Variants in PPRC1 observed in about 807,000 individuals in gnomAD.
PPRC1 encodes the protein PPARG related coactivator 1.
In PPRC1, 23 loss-of-function variants were observed where a neutral mutation model predicts 132.5. That is an observed-to-expected ratio of 0.17 (90% CI 0.12 to 0.25). PPRC1 has a LOEUF of 0.25. Ranked by LOEUF, PPRC1 falls within the 10% of genes least tolerant of loss-of-function variation. PPRC1 has a pLI of 1.00. For synonymous variants in PPRC1, 872 were observed against 833.5 expected (o/e 1.05, Z -0.80); for missense variants, 2,006 against 2,089.1 (o/e 0.96, Z 0.78).
At position 102,148,611 on chromosome 10, in the gene PPRC1, A is replaced by G; in HGVS notation, c.4551-17A>G. 6.2e-7 allele frequency: 1 copy of G among 1,614,014 alleles called. No homozygotes were observed. Among genetic ancestry groups the G allele is most frequent in the Non-Finnish European group, 8.5e-7 (1 of 1,179,958 alleles). ...TTGTCTTATGTTTGGGGGGCTGATG[A>G]CACCCTCTTTTGTCAGGTACAGCTC... On this transcript the variant is annotated splice_polypyrimidine_tract_variant and intron_variant, in intron 10 of 13. Transcript: ENST00000278070. The surrounding 1 kb of genome is among the most constrained non-coding windows in gnomAD (Gnocchi z 4.2).
In PPRC1 at chr10:102,150,120, G is replaced by A. The variant is rs1445993500; in HGVS notation, c.*91G>A. ...CCTACTCTAGGGGAGAGAGCTGCTA[G>A]TGAGATGACTGTTTTATAAAGAAAT... On this transcript the variant is annotated 3_prime_UTR_variant, in exon 14 of 14. Transcript: ENST00000278070. 1.2e-6 allele frequency: 1 copy of A among 842,622 alleles called. No homozygotes were observed. The highest frequency in any genetic ancestry group is 1.7e-5 in the African/African-American group (1 of 58,692). 52.2% of individuals were successfully genotyped at this position (842,622 alleles called of 1,614,324 possible).
At chr10:102,122,676 CA>C in the PPRC1 span, among the ~76,000 whole-genome samples, 5 of 151,960 alleles carry the variant, frequency 3.3e-5, no homozygotes, top group Non-Finnish European at 5.9e-5. Flanking sequence ...CCATGCTGAC[CA>C]ACACAATGGT....
chr10:102,133,914 A>G (rs2068622441), intron 1 of PPRC1, among the ~76,000 whole-genome samples: 1 of 151,672 alleles, frequency 6.6e-6, no homozygotes, highest in South Asian at 2.1e-4. Flanking sequence ...TGGGTCCGCA[A>G]CGTCTCTCCA....
upstream of PPRC1, among the ~76,000 whole-genome samples, chr10:102,131,553 A>C (rs1211984850): frequency 6.6e-6 from 1 of 152,246 alleles, no homozygotes; most frequent in Admixed American, 6.5e-5. Context: ...TTTCATGGAA[A>C]CTATTCCACA....
the PPRC1 span, among the ~76,000 whole-genome samples, chr10:102,127,592 G>A: frequency 1.3e-5 from 2 of 151,826 alleles, no homozygotes; most frequent in Non-Finnish European, 2.9e-5. Flanking sequence ...ATTTTTAGTA[G>A]AGACGGGGTT....
Position 102,144,286 on chromosome 10 carries a change from G to C in PPRC1, c.3587G>C (p.Ser1196Thr), listed in dbSNP as rs1439138625. 6.2e-7 allele frequency: 1 copy of C among 1,614,032 alleles called. No homozygotes were observed. Among genetic ancestry groups the C allele is most frequent in the Non-Finnish European group, 8.5e-7 (1 of 1,180,048 alleles). Reference sequence around the variant, plus strand: ...TGTCCTCCTCCGGCTCCTGCTGACAGCTTGGCTGTAGGAAACTCAGGGTAA... The same window carrying C: ...TGTCCTCCTCCGGCTCCTGCTGACACCTTGGCTGTAGGAAACTCAGGGTAA... ...KECPPPAPAD[S>T]LAVGNSGGVD... is the part of the protein sequence containing the mutation. The change falls in exon 7 of 14, where the codon AGC (serine) becomes ACC (threonine). Residue 1196 changes from serine (S) to threonine (T), a missense_variant. Physicochemically the swap from Ser to Thr is moderately conservative, Grantham distance 58. Coordinates refer to ENST00000278070, the MANE Select transcript of PPRC1 (RefSeq NM_015062.5).
chr10:102,149,844 G>A (rs2069435045), intron 13 of PPRC1, 82 bp from the exon 14 acceptor site: 1 of 1,063,844 alleles, frequency 9.4e-7, no homozygotes, highest in Non-Finnish European at 1.5e-6. Flanking sequence ...CCGTTTTTGG[G>A]ATGGGAGATA....
the PPRC1 span, chr10:102,120,154 C>G: frequency 7.9e-7 from 1 of 1,262,242 alleles, no homozygotes; most frequent in South Asian, 2.7e-5. Flanking sequence ...GTCACGGTGC[C>G]CGCCCCTCGC....
upstream of PPRC1, among the ~76,000 whole-genome samples, chr10:102,131,355 C>T (rs1000993270): frequency 6.6e-6 from 1 of 151,546 alleles, no homozygotes; most frequent in African/African-American, 2.4e-5. Context: ...CACACTGCAG[C>T]CCTGGGTGAC....
At chr10:102,127,041 ATATATATATATATATATATATATATAT>A in the PPRC1 span, among the ~76,000 whole-genome samples, 14 of 56,972 alleles carry the variant, frequency 2.5e-4, no homozygotes, top group Non-Finnish European at 3.8e-4. Context: ...ATATATATAT[ATATATATATATATATATATATATATAT>A]AAATTAAAAA....
chr10:102,141,216 C>T lies in PPRC1; in HGVS notation c.2708C>T (p.Pro903Leu). Residue 903 changes from proline to leucine, a missense_variant, in exon 5 of 14, where the codon CCA (proline) becomes CTA (leucine). Transcript: ENST00000278070. ...CCTCCCTTGCAGCCTCCTAGTCTTC[C>T]ATTGTCTATGGGGCCAGTACTACCT... ...PPPPLQPPSL[P>L]LSMGPVLPDP... is the part of the protein sequence containing the mutation. 1.2e-6 allele frequency: 2 copies of T among 1,613,980 alleles called. No homozygotes were observed. The highest frequency in any genetic ancestry group is 4.5e-5 in the East Asian group (2 of 44,882).
chr10:102,127,348 T>C, the PPRC1 span, among the ~76,000 whole-genome samples: 1 of 151,918 alleles, frequency 6.6e-6, no homozygotes, highest in African/African-American at 2.4e-5. Context: ...CACTCCAGCC[T>C]GGGCAGCAGA....
At chr10:102,129,227 G>A (rs1015938423), upstream of PPRC1, among the ~76,000 whole-genome samples, 2 of 152,070 alleles carry the variant, frequency 1.3e-5, no homozygotes, top group Admixed American at 1.3e-4. Context: ...CACCATGCCT[G>A]ACCTCCACAG....
At chr10:102,128,546 AAGAG>A (rs1399650149), upstream of PPRC1, among the ~76,000 whole-genome samples, 2 of 152,100 alleles carry the variant, frequency 1.3e-5, no homozygotes, top group African/African-American at 2.4e-5. Context: ...AAGAGGGAGA[AAGAG>A]AGAGCAAGAG....
intron 2 of PPRC1, 113 bp from the exon 3 acceptor site, chr10:102,138,506 C>T (rs746161821): frequency 1.8e-4 from 235 of 1,290,624 alleles, no homozygotes; most frequent in Non-Finnish European, 2.3e-4. Context: ...CTTCTCGCTG[C>T]CCCATTAGCT....
intron 8 of PPRC1, among the ~76,000 whole-genome samples, chr10:102,145,976 ACT>A (rs560881848): frequency 3.5e-4 from 54 of 152,160 alleles, no homozygotes; most frequent in Admixed American, 2.4e-3. Context: ...GGCTTGAGAA[ACT>A]CTATCAGGTG....
At position 102,141,690 on chromosome 10, in the gene PPRC1, C is replaced by T; in HGVS notation, c.3182C>T (p.Pro1061Leu). The T allele has an allele frequency of 3.1e-6, 5 of 1,614,050 alleles. No individual in the cohort carries two copies. Among genetic ancestry groups the T allele is most frequent in the East Asian group, 2.2e-5 (1 of 44,880 alleles). Residue 1061 changes from proline (P) to leucine (L), a missense_variant, in exon 5 of 14, where the codon CCT becomes CTT. This residue lies in a region of PPRC1 where 1,914 missense variants were observed against 1,917.2 expected (regional missense o/e 1.00). Coordinates refer to ENST00000278070, the MANE Select transcript of PPRC1 (RefSeq NM_015062.5). The stretch of plus-strand genomic sequence containing the variant: ...ACCAAGGTGGAGGTCAAGCCAGTGC[C>T]TGCATCTCCCCATCCGAAACACAAG... Reference protein sequence around the residue: ...EPTKVEVKPVPASPHPKHKVS... With the variant: ...EPTKVEVKPVLASPHPKHKVS...
Position 102,141,350 on chromosome 10 carries a change from G to A in PPRC1, c.2842G>A (p.Gly948Ser). Residue 948 changes from glycine to serine, a missense_variant, in exon 5 of 14, where the codon GGT (glycine) becomes AGT (serine). Gly to Ser is a moderately conservative substitution (Grantham distance 56). Coordinates refer to ENST00000278070, the MANE Select transcript of PPRC1 (RefSeq NM_015062.5). ...PPPPTVPLVS[G>S]TPGAYAVPPT... ...CCCACCAACGGTGCCCCTAGTGTCT[G>A]GTACTCCTGGTGCCTATGCCGTGCC... 1 of 1,614,022 alleles carries A rather than the reference G, an allele frequency of 6.2e-7. No individual in the cohort carries two copies. Among genetic ancestry groups the A allele is most frequent in the Non-Finnish European group, 8.5e-7 (1 of 1,179,972 alleles).
At chr10:102,125,864 C>CT in the PPRC1 span, among the ~76,000 whole-genome samples, 10,318 of 137,958 alleles carry the variant, frequency 0.075, 431 homozygotes, top group Middle Eastern at 0.13. Flanking sequence ...TCTTTCTTTT[C>CT]TTTTTTTTTT....
Sources: gnomAD v4.1 joint callset for allele counts (sites outside exome capture counted in the v4.1 genomes callset) on GRCh38, gnomAD v4.1.1 for gene constraint, gnomAD v4.1.1 regional missense constraint, Gnocchi (gnomAD v3.1) non-coding constraint, MANE v1.5 for transcripts, NCBI Gene and HGNC (gene_info 2026-07-23, HGNC 2026-07-21) for gene names.